Variants in DCC observed in about 807,000 individuals in gnomAD.
The protein encoded by DCC is DCC netrin 1 receptor.
DCC carries 58 observed loss-of-function variants against 172.5 expected under a neutral mutation model. The observed-to-expected ratio is 0.34, with a 90% CI of 0.27 to 0.42. The LOEUF is 0.42. Among genes scored for constraint, DCC ranks in the 10% least tolerant of loss-of-function variants. The pLI is 1.00. For missense variants in DCC, 1,740 were observed against 1,791.0 expected (o/e 0.97, Z 0.51); for synonymous variants, 709 against 644.5 (o/e 1.10, Z -1.52).
chr18:52,840,450 A>C (rs1442257371), intron 2 of DCC, among the ~76,000 whole-genome samples: 2 of 152,308 alleles, frequency 1.3e-5, no homozygotes, highest in East Asian at 3.9e-4. Context: ...TGGTGCCTGC[A>C]TTCTCAGTAA....
chr18:53,370,893 T>C (rs2058054594), intron 15 of DCC, among the ~76,000 whole-genome samples: 1 of 151,812 alleles, frequency 6.6e-6, no homozygotes, highest in Non-Finnish European at 1.5e-5. Context: ...CTTATTTATC[T>C]TATGATTCAT....
At chr18:52,895,870 G>A (rs903357529) in intron 2 of DCC, among the ~76,000 whole-genome samples, 4 of 151,916 alleles carry the variant, frequency 2.6e-5, no homozygotes, top group Non-Finnish European at 4.4e-5. Flanking sequence ...TGGCAATCTC[G>A]GCCTCCTGGG....
intron 1 of DCC, among the ~76,000 whole-genome samples, chr18:52,540,809 T>A (rs546574425): frequency 6.6e-6 from 1 of 151,968 alleles, no homozygotes; most frequent in Non-Finnish European, 1.5e-5. Flanking sequence ...GGTTTCACTG[T>A]GTTAGTCAGG....
At chr18:52,519,941 C>T (rs2031760261) in intron 1 of DCC, among the ~76,000 whole-genome samples, 1 of 152,190 alleles carries the variant, frequency 6.6e-6, no homozygotes, top group Non-Finnish European at 1.5e-5. Flanking sequence ...ATATTCTCTC[C>T]TCTCTTGTCT....
At chr18:53,313,246 GTTA>G (rs2057303855) in intron 13 of DCC, among the ~76,000 whole-genome samples, 2 of 151,796 alleles carry the variant, frequency 1.3e-5, no homozygotes, top group Non-Finnish European at 1.5e-5. Context: ...ATTTATTATT[GTTA>G]TTATTATTAT....
intron 27 of DCC, among the ~76,000 whole-genome samples, chr18:53,509,151 G>A (rs2046220050): frequency 6.6e-6 from 1 of 152,204 alleles, no homozygotes; most frequent in East Asian, 1.9e-4. Flanking sequence ...TCTGCAAAGA[G>A]AATCAATAGC....
chr18:53,311,338 G>C (rs937889993), intron 13 of DCC, among the ~76,000 whole-genome samples: 1 of 152,076 alleles, frequency 6.6e-6, no homozygotes, highest in African/African-American at 2.4e-5. Flanking sequence ...GGCCAGGCTG[G>C]TCTCGAACTC....
intron 1 of DCC, among the ~76,000 whole-genome samples, chr18:52,667,370 T>A (rs1296954707): frequency 6.6e-6 from 1 of 152,246 alleles, no homozygotes; most frequent in Non-Finnish European, 1.5e-5. Context: ...ATATGTCTTA[T>A]CTATTTTGAT....
intron 1 of DCC, among the ~76,000 whole-genome samples, chr18:52,613,262 GT>G (rs2034308266): frequency 6.6e-6 from 1 of 151,820 alleles, no homozygotes; most frequent in Admixed American, 6.6e-5. Flanking sequence ...TTCTTGTTTT[GT>G]TTTTGTTTTT....
intron 7 of DCC, among the ~76,000 whole-genome samples, chr18:53,118,416 T>G (rs1048192788): frequency 6.6e-6 from 1 of 151,706 alleles, no homozygotes; most frequent in Non-Finnish European, 1.5e-5. Context: ...CTCATTTGAG[T>G]GATTATTCCA....
intron 2 of DCC, among the ~76,000 whole-genome samples, chr18:52,763,491 T>C (rs756708181): frequency 1.3e-5 from 2 of 152,240 alleles, no homozygotes; most frequent in Non-Finnish European, 2.9e-5. Flanking sequence ...TTTTCTAAAG[T>C]TGTTTCCAGT....
chr18:52,881,073 C>T (rs1466296248), intron 2 of DCC, among the ~76,000 whole-genome samples: 1 of 152,056 alleles, frequency 6.6e-6, no homozygotes, highest in Non-Finnish European at 1.5e-5. Flanking sequence ...GAGATGATAT[C>T]TCATTGTAGC....
chr18:53,204,545 T>C (rs1204196410), intron 9 of DCC, among the ~76,000 whole-genome samples: 1 of 119,016 alleles, frequency 8.4e-6, no homozygotes, highest in African/African-American at 3.3e-5. Context: ...AGACTCTGTT[T>C]CTGGAAAAAA....
At chr18:53,180,250 A>G (rs1246269464) in intron 9 of DCC, among the ~76,000 whole-genome samples, 1 of 152,226 alleles carries the variant, frequency 6.6e-6, no homozygotes, top group Non-Finnish European at 1.5e-5. Context: ...ACAAGATGAT[A>G]ACAAATTGGA....
At chr18:53,298,417 G>A (rs570731829) in intron 12 of DCC, among the ~76,000 whole-genome samples, 15 of 151,332 alleles carry the variant, frequency 9.9e-5, no homozygotes, top group African/African-American at 3.4e-4. Flanking sequence ...GCTCCTGCCT[G>A]TAGTCCCACA....
At position 53,367,182 on chromosome 18, in the gene DCC, T is replaced by C. The variant is rs569713723; in HGVS notation, c.2360-18861T>C. Among the ~76,000 whole-genome samples the C allele has an allele frequency of 3.9e-5, 6 of 152,332 alleles. No homozygotes were observed. In the East Asian group the frequency reaches 1.2e-3, roughly 29 times the overall value. On this transcript the variant is annotated intron_variant, in intron 15 of 28. Coordinates refer to ENST00000442544, the MANE Select transcript of DCC (RefSeq NM_005215.4). ...ATATTGTTCAAATATATTTCTCTAA[T>C]TATGTATCTTCCCCACTTAATTATT... is the stretch of plus-strand genomic sequence containing the variant.
chr18:53,054,493 G>C (rs2042377345), intron 5 of DCC, among the ~76,000 whole-genome samples: 1 of 152,052 alleles, frequency 6.6e-6, no homozygotes, highest in African/African-American at 2.4e-5. Context: ...AATAATGTCA[G>C]TAAGTATATA....
chr18:53,189,632 C>G (rs2055336626), intron 9 of DCC, among the ~76,000 whole-genome samples: 1 of 152,162 alleles, frequency 6.6e-6, no homozygotes, highest in Admixed American at 6.5e-5. Flanking sequence ...CCCTAGTGTC[C>G]TTAAAATCAT....
chr18:52,812,502 C>T (rs1304353109), intron 2 of DCC, among the ~76,000 whole-genome samples: 1 of 152,124 alleles, frequency 6.6e-6, no homozygotes, highest in Non-Finnish European at 1.5e-5. Context: ...ATATTGTGCT[C>T]ATCAAAGGTC....
Sources: allele counts gnomAD v4.1 joint callset (sites outside exome capture counted in the v4.1 genomes callset), GRCh38; gene constraint gnomAD v4.1.1; transcripts MANE v1.5; gene names NCBI Gene and HGNC (gene_info 2026-07-23, HGNC 2026-07-21).